ZSWIM5: variants seen among roughly 807,000 people sequenced by gnomAD.
ZSWIM5 encodes the protein zinc finger SWIM-type containing 5, also known as zinc finger SWIM domain-containing protein 5.
Under a neutral mutation model 119.6 loss-of-function variants are expected in ZSWIM5, and 55 were observed. The observed-to-expected ratio is 0.46, with a 90% CI of 0.37 to 0.58. The LOEUF is 0.58. ZSWIM5 is among the 20% of genes least tolerant of loss of function. The pLI, the probability that ZSWIM5 is intolerant of heterozygous loss-of-function variation, is 0.00. For synonymous variants in ZSWIM5, 537 were observed against 606.9 expected (o/e 0.88, Z 1.69); for missense variants, 1,193 against 1,512.8 (o/e 0.79, Z 3.51).
chr1:45,126,165 C>G (rs570814744), intron 1 of ZSWIM5, among the ~76,000 whole-genome samples: 6 of 144,648 alleles, frequency 4.1e-5, no homozygotes, highest in African/African-American at 1.5e-4. Flanking sequence ...TTGAAATAAA[C>G]CAAGCAGAAA....
intron 1 of ZSWIM5, among the ~76,000 whole-genome samples, chr1:45,199,660 T>C (rs1646147710): frequency 6.6e-6 from 1 of 152,132 alleles, no homozygotes; most frequent in Admixed American, 6.6e-5. Context: ...CACTCCATTA[T>C]AAGGAACAGG....
At chr1:45,166,413 C>T (rs1645903614) in intron 1 of ZSWIM5, among the ~76,000 whole-genome samples, 2 of 152,032 alleles carry the variant, frequency 1.3e-5, no homozygotes, top group South Asian at 4.1e-4. Context: ...TGGCACAAGA[C>T]AGGGATGCCC....
chr1:45,202,366 T>G (rs1646163222), intron 1 of ZSWIM5, among the ~76,000 whole-genome samples: 1 of 152,056 alleles, frequency 6.6e-6, no homozygotes, highest in Admixed American at 6.5e-5. Flanking sequence ...GATATACAAG[T>G]GTACACAATT....
chr1:45,068,571 T>C (rs1164027585), intron 2 of ZSWIM5, among the ~76,000 whole-genome samples: 2 of 152,076 alleles, frequency 1.3e-5, no homozygotes, highest in Non-Finnish European at 2.9e-5. Context: ...CTCAAGGACA[T>C]GAAGGTGTTC....
chr1:45,162,886 T>C (rs1193146638), intron 1 of ZSWIM5, among the ~76,000 whole-genome samples: 13 of 152,232 alleles, frequency 8.5e-5, no homozygotes, highest in Admixed American at 8.5e-4. Flanking sequence ...AGATTCCACC[T>C]CTGGGGGCAG....
intron 1 of ZSWIM5, among the ~76,000 whole-genome samples, chr1:45,159,993 A>C (rs1301069295): frequency 6.6e-6 from 1 of 152,178 alleles, no homozygotes; most frequent in African/African-American, 2.4e-5. Context: ...TACTCACCAA[A>C]GGCCCTTCAT....
chr1:45,193,470 G>C (rs1646103711), intron 1 of ZSWIM5, among the ~76,000 whole-genome samples: 1 of 152,070 alleles, frequency 6.6e-6, no homozygotes, highest in African/African-American at 2.4e-5. Flanking sequence ...GAATGGTGAA[G>C]TAAAACAAAA....
chr1:45,087,972 T>C lies in ZSWIM5; in HGVS notation c.861A>G (p.Leu287=). The C allele has an allele frequency of 6.2e-7, 1 of 1,614,234 alleles. No individual in the cohort carries two copies. Among genetic ancestry groups the C allele is most frequent in the Non-Finnish European group, 8.5e-7 (1 of 1,180,036 alleles). The change falls in exon 2 of 14, where the codon TTA becomes TTG. Residue 287 remains leucine, a synonymous_variant. Transcript: ENST00000359600. ...RDQLQKFIQY[L]ITAHHTEVLP... ...GAACTTCAGTGTGGTGTGCCGTGAT[T>C]AAATATTGAATAAACTTTTGTAGCT...
rs762998530 is a variant in ZSWIM5, at chr1:45,019,197, C to T, written c.2815G>A (p.Asp939Asn). ...GCCAGTTCCTCCCGCTGTGGATAGT[C>T]AAGACTGAGGCGCAGGATAGTGGTG... ...SHTTILRLSL[D>N]YPQREELASC... The change falls in exon 14 of 14, where the codon GAC becomes AAC. Residue 939 changes from aspartate (D) to asparagine (N), a missense_variant. By Grantham distance (23) the Asp-to-Asn change is conservative. This residue lies in a region of ZSWIM5 where 961 missense variants were observed against 1,290.0 expected (regional missense o/e 0.74). Transcript: ENST00000359600. The surrounding 1 kb of genome is among the most constrained non-coding windows in gnomAD (Gnocchi z 5.0). 3.1e-6 allele frequency: 5 copies of T among 1,613,638 alleles called. No homozygotes were observed. Among genetic ancestry groups the T allele is most frequent in the Non-Finnish European group, 4.2e-6 (5 of 1,180,018 alleles).
chr1:45,068,324 T>C (rs1645198417), intron 2 of ZSWIM5, among the ~76,000 whole-genome samples: 2 of 151,932 alleles, frequency 1.3e-5, no homozygotes, highest in Admixed American at 1.3e-4. Context: ...CAGGCTGGTC[T>C]TGAACTCCTG....
chr1:45,098,641 G>C (rs921997831), intron 1 of ZSWIM5, among the ~76,000 whole-genome samples: 1 of 152,058 alleles, frequency 6.6e-6, no homozygotes, highest in African/African-American at 2.4e-5. Context: ...TGACCACATA[G>C]CTGGAAGTAA....
intron 1 of ZSWIM5, among the ~76,000 whole-genome samples, chr1:45,146,481 C>T (rs1157933551): frequency 7.1e-6 from 1 of 141,212 alleles, no homozygotes; most frequent in East Asian, 2.1e-4. Flanking sequence ...TTGCTCTCAC[C>T]CAGGCTGGAG....
At chr1:45,084,267 A>G (rs576463120) in intron 2 of ZSWIM5, among the ~76,000 whole-genome samples, 70 of 152,280 alleles carry the variant, frequency 4.6e-4, no homozygotes, top group African/African-American at 1.5e-3. Flanking sequence ...TGAGAACAGC[A>G]AGGGATAAAT....
At chr1:45,173,236 T>A (rs528045680) in intron 1 of ZSWIM5, among the ~76,000 whole-genome samples, 2 of 152,146 alleles carry the variant, frequency 1.3e-5, no homozygotes, top group African/African-American at 2.4e-5. Context: ...CATGAATACA[T>A]AATAGGTCCA....
chr1:45,170,788 G>C (rs143528548), intron 1 of ZSWIM5, among the ~76,000 whole-genome samples: 92 of 146,254 alleles, frequency 6.3e-4, no homozygotes, highest in African/African-American at 2.3e-3. Context: ...TTGTTGCCCA[G>C]GCTGCCAGGC....
intron 1 of ZSWIM5, among the ~76,000 whole-genome samples, chr1:45,188,461 G>C (rs1048801012): frequency 6.6e-6 from 1 of 152,206 alleles, no homozygotes; most frequent in African/African-American, 2.4e-5. Context: ...GGGAGTGACA[G>C]CTAAAGGATG....
At chr1:45,101,039 C>T (rs1008381602) in intron 1 of ZSWIM5, among the ~76,000 whole-genome samples, 16 of 152,088 alleles carry the variant, frequency 1.1e-4, no homozygotes, top group Non-Finnish European at 1.8e-4. Context: ...CCAAAATTGA[C>T]AAATGGGATC....
intron 7 of ZSWIM5, among the ~76,000 whole-genome samples, chr1:45,039,865 C>T (rs111228930): frequency 0.064 from 9,785 of 152,020 alleles, 1,050 homozygotes; most frequent in African/African-American, 0.22. Flanking sequence ...CCACCACGCC[C>T]AGCTAATTTT....
intron 1 of ZSWIM5, among the ~76,000 whole-genome samples, chr1:45,194,702 C>G (rs1344504603): frequency 2.0e-5 from 3 of 151,934 alleles, no homozygotes; most frequent in African/African-American, 4.8e-5. Context: ...ACAGTGAAAC[C>G]CTGTTTCTAC....
Sources: gnomAD v4.1 joint callset for allele counts (sites outside exome capture counted in the v4.1 genomes callset) on GRCh38, gnomAD v4.1.1 for gene constraint, gnomAD v4.1.1 regional missense constraint, Gnocchi (gnomAD v3.1) non-coding constraint, MANE v1.5 for transcripts, NCBI Gene and HGNC (gene_info 2026-07-23, HGNC 2026-07-21) for gene names.